TTC3: variants seen among roughly 807,000 people sequenced by gnomAD.
The protein encoded by TTC3 is tetratricopeptide repeat domain 3, also known as E3 ubiquitin-protein ligase TTC3.
TTC3 carries 180 observed loss-of-function variants against 249.6 expected under a neutral mutation model. The ratio of observed to expected loss-of-function variants is 0.72; its 90% CI spans 0.64 to 0.82. The LOEUF is 0.82. Ranked by LOEUF, TTC3 falls within the 40% of genes least tolerant of loss-of-function variation. The pLI, the probability that TTC3 is intolerant of heterozygous loss-of-function variation, is 0.00. For synonymous variants in TTC3, 717 were observed against 805.0 expected, an observed-to-expected ratio of 0.89 and a Z score of 1.85; for missense variants, 2,061 against 2,398.4, an observed-to-expected ratio of 0.86 and a Z score of 2.94.
intron 27 of TTC3, 59 bp downstream of exon 27, chr21:37,153,336 C>CT: frequency 7.0e-7 from 1 of 1,438,264 alleles, no homozygotes; most frequent in Non-Finnish European, 9.4e-7. Flanking sequence ...GTGTAGGTCT[C>CT]TGAGTCATTT....
intron 24 of TTC3, among the ~76,000 whole-genome samples, 155 bp from the exon 25 acceptor site, chr21:37,150,665 A>G (rs1001735727): frequency 1.3e-5 from 2 of 152,176 alleles, no homozygotes; most frequent in African/African-American, 4.8e-5. Flanking sequence ...TATTTTGCTA[A>G]AGCTTTCTGG....
At chr21:37,129,803 G>T (rs1034168153) in intron 16 of TTC3, among the ~76,000 whole-genome samples, 2 of 152,046 alleles carry the variant, frequency 1.3e-5, no homozygotes, top group Non-Finnish European at 2.9e-5. Context: ...CACCATGACT[G>T]GATAACTAAA....
intron 25 of TTC3, among the ~76,000 whole-genome samples, chr21:37,151,604 T>G (rs1157524301): frequency 6.6e-6 from 1 of 152,200 alleles, no homozygotes; most frequent in Non-Finnish European, 1.5e-5. Flanking sequence ...TGCAGAGTAA[T>G]TTGTACTATT....
intron 11 of TTC3, among the ~76,000 whole-genome samples, chr21:37,111,488 A>G (rs1440879690): frequency 6.6e-6 from 1 of 152,222 alleles, no homozygotes; most frequent in Non-Finnish European, 1.5e-5. Context: ...CAATTCAACA[A>G]GAAGAACTAA....
chr21:37,201,565 T>G lies in TTC3; in HGVS notation c.6069T>G (p.Ser2023=), dbSNP rs556494145. Residue 2023 remains serine (S), a synonymous_variant, in exon 46 of 46, where the codon TCT becomes TCG. Coordinates refer to ENST00000355666, the Ensembl canonical transcript of TTC3. ...AGAATCAGGAGCTGCCTTCCTGCTC[T>G]TCTAGGTAGTCACACTTCACTAAAG... 4.3e-6 allele frequency: 7 copies of G among 1,613,684 alleles called. No homozygotes were observed. The East Asian group carries it at 1.3e-4, about 31-fold the overall frequency.
chr21:37,088,656 A>G, intron 4 of TTC3, 143 bp from the exon 5 acceptor site: 2 of 769,806 alleles, frequency 2.6e-6, no homozygotes, highest in South Asian at 2.0e-5. Context: ...TGTTCATTTA[A>G]TAAATAGCTT....
At chr21:37,122,438 T>TA (rs2076689413) in intron 12 of TTC3, among the ~76,000 whole-genome samples, 1 of 55,228 alleles carries the variant, frequency 1.8e-5, no homozygotes, top group Admixed American at 1.7e-4. Flanking sequence ...ATATATATAT[T>TA]ATATATATAT....
intron 4 of TTC3, 90 bp from the exon 5 acceptor site, chr21:37,088,709 T>C (rs751163093): frequency 2.9e-4 from 340 of 1,186,012 alleles, no homozygotes; most frequent in Non-Finnish European, 3.9e-4. Context: ...ACTTATTTTT[T>C]AATGGTTTGA....
At position 37,162,031 on chromosome 21, in the gene TTC3, TA is replaced by T. The variant is rs777981615; in HGVS notation, c.3140del (p.Asn1047MetfsTer31). On this transcript the variant is annotated frameshift_variant, in exon 31 of 46. Coordinates refer to ENST00000355666, the Ensembl canonical transcript of TTC3. LOFTEE classifies it high-confidence loss of function. ...CTGGAACAACTTCAGTAACTTCAAA[TA>T]ATGAGATCATCACTTCAAGTGAAGA... 4 of 1,591,446 alleles carry T rather than the reference TA, an allele frequency of 2.5e-6. No individual in the cohort carries two copies. In the Admixed American group the frequency reaches 6.7e-5, roughly 27 times the overall value.
chr21:37,188,913 T>C (rs1043342134), intron 39 of TTC3, among the ~76,000 whole-genome samples: 2 of 152,226 alleles, frequency 1.3e-5, no homozygotes, highest in Non-Finnish European at 2.9e-5. Context: ...CCAACCTAAT[T>C]TTGAAAAGTT....
intron 35 of TTC3, among the ~76,000 whole-genome samples, chr21:37,173,222 A>C (rs542305449): frequency 6.6e-6 from 1 of 152,146 alleles, no homozygotes; most frequent in Non-Finnish European, 1.5e-5. Context: ...AATAACTCAC[A>C]TTTTGTATGG....
chr21:37,166,219 C>T, exon 33 of TTC3: 1 of 1,614,198 alleles, frequency 6.2e-7, no homozygotes, highest in Non-Finnish European at 8.5e-7. Flanking sequence ...CGCCAGCATA[C>T]ATAAACGTGT....
At chr21:37,167,253 C>T (rs545375051) in intron 33 of TTC3, among the ~76,000 whole-genome samples, 1 of 152,176 alleles carries the variant, frequency 6.6e-6, no homozygotes, top group East Asian at 1.9e-4. Context: ...TCAAGATTCT[C>T]CTATGGTTGC....
intron 10 of TTC3, among the ~76,000 whole-genome samples, chr21:37,101,744 G>C (rs997347739): frequency 1.3e-5 from 2 of 151,222 alleles, no homozygotes; most frequent in Admixed American, 1.3e-4. Flanking sequence ...CTTTAAATGG[G>C]TAGGAACATA....
At chr21:37,147,420 C>T in intron 21 of TTC3, 61 bp from the exon 22 acceptor site, 1 of 1,451,206 alleles carries the variant, frequency 6.9e-7, no homozygotes, top group African/African-American at 1.5e-5. Flanking sequence ...ATTGAAATCA[C>T]AAGCATTTTT....
chr21:37,112,521 A>G (rs1484644930), intron 11 of TTC3, among the ~76,000 whole-genome samples: 1 of 152,208 alleles, frequency 6.6e-6, no homozygotes, highest in Non-Finnish European at 1.5e-5. Context: ...TAGACCAATA[A>G]CAGGCTCTGA....
chr21:37,116,081 T>G (rs1264232673), intron 11 of TTC3, among the ~76,000 whole-genome samples: 10 of 152,214 alleles, frequency 6.6e-5, no homozygotes, highest in Non-Finnish European at 1.3e-4. Flanking sequence ...GGAAAGATTT[T>G]TTTGGTGTTT....
At chr21:37,165,743 C>A in exon 33 of TTC3, 1 of 1,613,058 alleles carries the variant, frequency 6.2e-7, no homozygotes, top group Non-Finnish European at 8.5e-7. Context: ...GGTTGCATCA[C>A]GGCTCAAGAA....
At chr21:37,129,758 G>A (rs973966038) in intron 16 of TTC3, among the ~76,000 whole-genome samples, 2 of 152,090 alleles carry the variant, frequency 1.3e-5, no homozygotes, top group African/African-American at 4.8e-5. Context: ...CAGCTCCCAA[G>A]TAGCCAGGAC....
Sources: allele counts gnomAD v4.1 joint callset (sites outside exome capture counted in the v4.1 genomes callset), GRCh38; gene constraint gnomAD v4.1.1; transcripts MANE v1.5; gene names NCBI Gene and HGNC (gene_info 2026-07-23, HGNC 2026-07-21).